The following DENND1B variants were observed in gnomAD, a reference collection of about 807,000 sequenced individuals.
The protein encoded by DENND1B is DENN domain containing 1B, also known as DENN domain-containing protein 1B.
A neutral mutation model predicts 90.1 loss-of-function variants in DENND1B; 59 were observed. The observed-to-expected ratio is 0.65, with a 90% CI of 0.53 to 0.81. DENND1B has a LOEUF of 0.81. DENND1B is among the 40% of genes least tolerant of loss of function. The pLI is 0.00. For missense variants in DENND1B, 862 were observed against 912.6 expected, an observed-to-expected ratio of 0.94 and a Z score of 0.71; for synonymous variants, 337 against 324.6, an observed-to-expected ratio of 1.04 and a Z score of -0.41.
At chr1:197,519,116 T>C (rs1441756755) in intron 20 of DENND1B, among the ~76,000 whole-genome samples, 2 of 151,996 alleles carry the variant, frequency 1.3e-5, no homozygotes, top group Non-Finnish European at 2.9e-5. Flanking sequence ...TATGGTTTTG[T>C]ATCTGTCAGC....
chr1:197,658,354 A>G lies in DENND1B; in HGVS notation c.312T>C (p.Phe104=). ...CLCILSYLPW[F]EVYYKLLNTL... ...TATTTAGAAGCTTGTAATACACTTC[A>G]AACCAGGGAAGGTAACTGTAAAATA... The change falls in exon 6 of 23, where the codon TTT becomes TTC. Residue 104 remains phenylalanine, a synonymous_variant. Coordinates refer to ENST00000620048, the MANE Select transcript of DENND1B (RefSeq NM_001195215.2). 6.2e-7 allele frequency: 1 copy of G among 1,603,988 alleles called. No homozygotes were observed. The highest frequency in any genetic ancestry group is 8.5e-7 in the Non-Finnish European group (1 of 1,173,274).
intron 10 of DENND1B, among the ~76,000 whole-genome samples, chr1:197,629,386 A>G (rs1679107788): frequency 6.6e-6 from 1 of 152,088 alleles, no homozygotes; most frequent in Admixed American, 6.6e-5. Flanking sequence ...AGGGACATGG[A>G]TGAAACTGGA....
At chr1:197,764,070 A>G (rs181426785) in intron 2 of DENND1B, among the ~76,000 whole-genome samples, 78 of 152,348 alleles carry the variant, frequency 5.1e-4, no homozygotes, top group Non-Finnish European at 8.8e-4. Flanking sequence ...TTCTAAAACG[A>G]GTGGCTTTTT....
rs116213253 is a variant in DENND1B at position 197,747,474 on chromosome 1, T to A, written c.82+25394A>T. 6.4e-3 allele frequency: 1,817 copies of A among 286,132 alleles called. 34 individuals carry two copies. Among genetic ancestry groups the A allele is most frequent in the African/African-American group, 0.038 (1,678 of 44,394 alleles). The allele number at this position is 286,132 out of a possible 1,614,324, so 17.7% of individuals were successfully genotyped here. A position where few individuals can be genotyped will look rare whatever the true frequency, so the allele number is the denominator to read the frequency against. On this transcript the variant is annotated intron_variant, in intron 2 of 22. Transcript: ENST00000620048. Reference sequence around the variant, plus strand: ...CATCTTTTCGTCTGTCAGGAAGCGGTCACCTGGCAGCCATCTTAAGACCCC... The same window carrying A: ...CATCTTTTCGTCTGTCAGGAAGCGGACACCTGGCAGCCATCTTAAGACCCC...
chr1:197,536,591 C>T (rs1464405235), intron 20 of DENND1B, among the ~76,000 whole-genome samples: 3 of 151,942 alleles, frequency 2.0e-5, no homozygotes, highest in African/African-American at 4.8e-5. Flanking sequence ...AAAACAATTG[C>T]TAGAGGGCCC....
chr1:197,513,037 C>A (rs2013617), intron 20 of DENND1B, 84 bp from the exon 21 acceptor site: 14 of 1,138,498 alleles, frequency 1.2e-5, no homozygotes, highest in Non-Finnish European at 1.7e-5. Flanking sequence ...AATGTGATTT[C>A]ATAAGAAACA....
chr1:197,647,089 T>G lies in DENND1B; in HGVS notation c.473A>C (p.Glu158Ala). The change falls in exon 8 of 23, where the codon GAG becomes GCG. Residue 158 changes from glutamate (E) to alanine (A), a missense_variant. Coordinates refer to ENST00000620048, the MANE Select transcript of DENND1B (RefSeq NM_001195215.2). ...SVNQEIFIAC[E>A]QVLKDQPALV... Reference sequence around the variant, plus strand: ...AGCAGGCTGATCTTTCAGAACTTGCTCACAGGCAATAAATATCTCTTGGTT... The same window carrying G: ...AGCAGGCTGATCTTTCAGAACTTGCGCACAGGCAATAAATATCTCTTGGTT... The G allele has an allele frequency of 1.4e-6, 2 of 1,462,632 alleles. No homozygotes were observed. The highest frequency in any genetic ancestry group is 1.8e-6 in the Non-Finnish European group (2 of 1,115,672). 90.6% of individuals were successfully genotyped at this position (1,462,632 alleles called of 1,614,324 possible).
chr1:197,588,141 T>G (rs1674873771), intron 14 of DENND1B, among the ~76,000 whole-genome samples: 1 of 152,196 alleles, frequency 6.6e-6, no homozygotes, highest in Non-Finnish European at 1.5e-5. Context: ...CCCAACCCAG[T>G]ACCCTGCATT....
chr1:197,778,808 C>T (rs909600107), upstream of DENND1B, among the ~76,000 whole-genome samples: 1 of 151,914 alleles, frequency 6.6e-6, no homozygotes, highest in Admixed American at 6.6e-5. Context: ...TTTAGGATTA[C>T]TATTTATGCT....
intron 10 of DENND1B, among the ~76,000 whole-genome samples, chr1:197,630,568 T>C (rs1305175366): frequency 6.6e-6 from 1 of 152,160 alleles, no homozygotes; most frequent in Non-Finnish European, 1.5e-5. Flanking sequence ...TAAATTCTGA[T>C]ACTTCACTGC....
intron 2 of DENND1B, among the ~76,000 whole-genome samples, chr1:197,753,001 A>G (rs140551165): frequency 0.011 from 1,699 of 152,094 alleles, 56 homozygotes; most frequent in African/African-American, 0.039. Context: ...TCCATGGTGT[A>G]TATGTGCCAC....
intron 2 of DENND1B, among the ~76,000 whole-genome samples, chr1:197,759,742 C>CAAAAAAAAAAAAAAAAAAAAAAAAAAAAA (rs1196523150): frequency 2.6e-5 from 1 of 38,156 alleles, no homozygotes; most frequent in Non-Finnish European, 4.8e-5. Flanking sequence ...GACTCCGTCT[C>CAAAAAAAAAAAAAAAAAAAAAAAAAAAAA]AAAAAAAAAA....
At chr1:197,766,952 C>T (rs1249017364) in intron 2 of DENND1B, among the ~76,000 whole-genome samples, 1 of 151,930 alleles carries the variant, frequency 6.6e-6, no homozygotes, top group Non-Finnish European at 1.5e-5. Context: ...TGACACCACA[C>T]CCCGCTAAAT....
intron 7 of DENND1B, among the ~76,000 whole-genome samples, chr1:197,648,643 C>A (rs989836813): frequency 6.6e-6 from 1 of 152,096 alleles, no homozygotes; most frequent in Non-Finnish European, 1.5e-5. Context: ...AAATCCCAGG[C>A]TCTTCTTTAT....
At chr1:197,552,283 T>C (rs1671302090) in intron 16 of DENND1B, 1 of 983,068 alleles carries the variant, frequency 1.0e-6, no homozygotes, top group Admixed American at 6.2e-5. Context: ...GTTTATTTAG[T>C]ACACTTAATA....
At chr1:197,733,579 T>C (rs1662350438) in intron 2 of DENND1B, among the ~76,000 whole-genome samples, 1 of 152,204 alleles carries the variant, frequency 6.6e-6, no homozygotes, top group Non-Finnish European at 1.5e-5. Flanking sequence ...TCTTCGTTGT[T>C]TGGGCATGGA....
intron 13 of DENND1B, among the ~76,000 whole-genome samples, chr1:197,603,178 G>A (rs1372689560): frequency 2.0e-5 from 3 of 151,190 alleles, no homozygotes; most frequent in African/African-American, 7.3e-5. Context: ...TTATATTTAA[G>A]ATGAAAATGA....
At chr1:197,701,435 CA>C (rs1659018242) in intron 3 of DENND1B, among the ~76,000 whole-genome samples, 1 of 152,178 alleles carries the variant, frequency 6.6e-6, no homozygotes, top group Admixed American at 6.5e-5. Flanking sequence ...ATTCGGGGGC[CA>C]GGGGTGAGGG....
At position 197,754,233 on chromosome 1, in the gene DENND1B, T is replaced by C. The variant is rs972462442; in HGVS notation, c.82+18635A>G. Among the ~76,000 whole-genome samples the C allele has an allele frequency of 4.6e-5, 7 of 152,254 alleles. 1 individual carries two copies. Among genetic ancestry groups the C allele is most frequent in the African/African-American group, 1.4e-4 (6 of 41,564 alleles). On this transcript the variant is annotated intron_variant, in intron 2 of 22. Transcript: ENST00000620048. ...GTGGTACACAGAGGCTCTCTAACTA[T>C]TGATAAGACTATATATCTTTTCGGA... is the stretch of plus-strand genomic sequence containing the variant.
Sources: gnomAD v4.1 joint callset for allele counts (sites outside exome capture counted in the v4.1 genomes callset) on GRCh38, gnomAD v4.1.1 for gene constraint, MANE v1.5 for transcripts, NCBI Gene and HGNC (gene_info 2026-07-23, HGNC 2026-07-21) for gene names.